NEXMIF: variants seen among roughly 807,000 people sequenced by gnomAD.
The protein encoded by NEXMIF is neurite extension and migration factor.
A neutral mutation model predicts 62.1 loss-of-function variants in NEXMIF; 8 were observed. The ratio of observed to expected loss-of-function variants is 0.13; its 90% CI spans 0.08 to 0.23. The LOEUF (loss-of-function observed/expected upper bound fraction) is 0.23, where lower values mean the gene tolerates loss of function less well. Ranked by LOEUF, NEXMIF falls within the 10% of genes least tolerant of loss-of-function variation. NEXMIF has a pLI of 1.00. For synonymous variants in NEXMIF, 404 were observed against 416.6 expected (o/e 0.97, Z 0.37); for missense variants, 976 against 1,113.3 (o/e 0.88, Z 1.75).
intron 1 of NEXMIF, among the ~76,000 whole-genome samples, chrX:74,879,440 T>C (rs1433838857): frequency 8.9e-6 from 1 of 112,166 alleles, no homozygotes; most frequent in Non-Finnish European, 1.9e-5. Flanking sequence ...TATATGTTAA[T>C]GTAAGAATTA....
chrX:74,856,793 T>C (rs1174591277), intron 1 of NEXMIF, among the ~76,000 whole-genome samples: 2 of 111,960 alleles, frequency 1.8e-5, no homozygotes, highest in Non-Finnish European at 1.9e-5. Context: ...ACCACTGACA[T>C]GACCCCTCCC....
At chrX:74,864,019 T>G (rs2080567880) in intron 1 of NEXMIF, among the ~76,000 whole-genome samples, 1 of 112,296 alleles carries the variant, frequency 8.9e-6, no homozygotes. Flanking sequence ...ACCACATTGA[T>G]TATCTCAATA....
chrX:74,887,621 G>T (rs1451965030), intron 1 of NEXMIF, among the ~76,000 whole-genome samples: 1 of 110,602 alleles, frequency 9.0e-6, no homozygotes, highest in Non-Finnish European at 1.9e-5. Flanking sequence ...CAGTTAGAAT[G>T]GCAATCATTA....
At chrX:74,878,189 G>T (rs1262205359) in intron 1 of NEXMIF, among the ~76,000 whole-genome samples, 1 of 111,632 alleles carries the variant, frequency 9.0e-6, no homozygotes, top group Non-Finnish European at 1.9e-5. Flanking sequence ...CTTTCTGTTT[G>T]TTAGTTTTCC....
At chrX:74,895,121 C>T (rs1344778483) in intron 1 of NEXMIF, among the ~76,000 whole-genome samples, 1 of 112,195 alleles carries the variant, frequency 8.9e-6, no homozygotes, top group Non-Finnish European at 1.9e-5. Context: ...GGTGATGTTT[C>T]AGGAGACAAA....
rs752119872 is a variant in NEXMIF at position 74,742,777 on chromosome X, GCTT to G, written c.1777_1779del (p.Lys593del). On this transcript the variant is annotated inframe_deletion, in exon 3 of 4. Coordinates refer to ENST00000055682, the MANE Select transcript of NEXMIF (RefSeq NM_001008537.3). ...ATGGAGTCCGTGTTGGTGTTTCTCT[GCTT>G]CTTCTTCTTTTGCCAGAAGCCTTTC... 9.9e-6 allele frequency: 12 copies of G among 1,209,180 alleles called. No individual in the cohort carries two copies. The highest frequency in any genetic ancestry group is 7.1e-5 in the South Asian group (4 of 56,705).
In NEXMIF at chrX:74,877,318, C is replaced by T. The variant is rs752590101; in HGVS notation, c.-48+47565G>A. 3.2e-3 allele frequency among the ~76,000 whole-genome samples: 356 copies of T among 111,561 alleles called. 2 individuals carry two copies. The highest frequency in any genetic ancestry group is 0.011 in the African/African-American group (338 of 30,708). On this transcript the variant is annotated intron_variant, in intron 1 of 3. Transcript: ENST00000055682. ...TTTCTTTAAGAATGTTGAATATTGG[C>T]CCCCACTCTCTTCTGGCTTGTAGAG...
chrX:74,845,230 T>C (rs1422214314), intron 1 of NEXMIF, among the ~76,000 whole-genome samples: 2 of 111,067 alleles, frequency 1.8e-5, no homozygotes, highest in Non-Finnish European at 3.8e-5. Context: ...GACTCCATCA[T>C]AGTCTCCCCT....
At chrX:74,822,212 C>T (rs1250243380) in intron 1 of NEXMIF, among the ~76,000 whole-genome samples, 3 of 111,584 alleles carry the variant, frequency 2.7e-5, no homozygotes, top group Admixed American at 9.5e-5. Context: ...AAGACCCAAA[C>T]GGAAGAGCTA....
intron 1 of NEXMIF, among the ~76,000 whole-genome samples, chrX:74,773,926 A>T (rs1222520545): frequency 2.8e-5 from 3 of 106,960 alleles, no homozygotes; most frequent in Admixed American, 1.0e-4. Flanking sequence ...AAAAAAAAAA[A>T]AAAAAAAAAA....
intron 1 of NEXMIF, among the ~76,000 whole-genome samples, chrX:74,762,059 A>T (rs1219967109): frequency 9.1e-6 from 1 of 109,828 alleles, no homozygotes; most frequent in African/African-American, 3.3e-5. Flanking sequence ...GGTGTACTGC[A>T]CCCATTAACT....
intron 1 of NEXMIF, among the ~76,000 whole-genome samples, chrX:74,883,388 A>G (rs946814178): frequency 9.0e-6 from 1 of 111,387 alleles, no homozygotes; most frequent in Non-Finnish European, 1.9e-5. Flanking sequence ...AAAGAAGTTA[A>G]AAACTTTGAA....
chrX:74,856,050 C>G (rs560968810), intron 1 of NEXMIF, among the ~76,000 whole-genome samples: 2 of 111,492 alleles, frequency 1.8e-5, no homozygotes, highest in South Asian at 7.5e-4. Flanking sequence ...AAGTATGGCC[C>G]AAACACAGAA....
At chrX:74,841,479 T>G (rs1185369152) in intron 1 of NEXMIF, among the ~76,000 whole-genome samples, 2 of 111,901 alleles carry the variant, frequency 1.8e-5, no homozygotes, top group African/African-American at 6.5e-5. Flanking sequence ...TTCTTTCTCT[T>G]GCCTGATGGC....
chrX:74,830,656 T>C (rs887487923), intron 1 of NEXMIF, among the ~76,000 whole-genome samples: 6 of 112,218 alleles, frequency 5.3e-5, no homozygotes, highest in Admixed American at 9.5e-5. Context: ...ACAAACATTT[T>C]AACAATATTG....
intron 1 of NEXMIF, among the ~76,000 whole-genome samples, chrX:74,838,635 C>T (rs2080464552): frequency 8.9e-6 from 1 of 111,756 alleles, no homozygotes; most frequent in South Asian, 3.7e-4. Flanking sequence ...AGGCAGTGTA[C>T]ACAGCTTTTG....
intron 1 of NEXMIF, among the ~76,000 whole-genome samples, chrX:74,750,535 A>C (rs971410648): frequency 7.1e-5 from 8 of 112,030 alleles, no homozygotes; most frequent in African/African-American, 2.3e-4. Context: ...GTAATGAAGC[A>C]AGGAGATGGT....
intron 1 of NEXMIF, among the ~76,000 whole-genome samples, chrX:74,794,275 A>C (rs1245790216): frequency 9.3e-6 from 1 of 107,473 alleles, no homozygotes; most frequent in East Asian, 3.0e-4. Flanking sequence ...GGTGCCTCCC[A>C]GTTAGGCTGC....
intron 1 of NEXMIF, among the ~76,000 whole-genome samples, chrX:74,861,167 G>A (rs1311828621): frequency 4.5e-5 from 5 of 111,622 alleles, no homozygotes; most frequent in Non-Finnish European, 9.4e-5. Flanking sequence ...TGATAGAGCT[G>A]AAAACACAAC....
Sources: gnomAD v4.1 joint callset for allele counts (sites outside exome capture counted in the v4.1 genomes callset) on GRCh38, gnomAD v4.1.1 for gene constraint, MANE v1.5 for transcripts, NCBI Gene and HGNC (gene_info 2026-07-23, HGNC 2026-07-21) for gene names.